The following PCDH9 variants were observed in gnomAD, a reference collection of about 807,000 sequenced individuals.
PCDH9 encodes protocadherin 9.
Under a neutral mutation model 70.6 loss-of-function variants are expected in PCDH9, and 24 were observed. The observed-to-expected ratio is 0.34, with a 90% confidence interval of 0.25 to 0.48. The LOEUF (loss-of-function observed/expected upper bound fraction) is 0.48. Ranked by LOEUF, PCDH9 falls within the 20% of genes least tolerant of loss-of-function variation. The pLI, the probability that PCDH9 is intolerant of heterozygous loss-of-function variation, is 0.99. For synonymous variants in PCDH9, 562 were observed against 558.5 expected (o/e 1.01, Z -0.09); for missense variants, 1,281 against 1,503.6 (o/e 0.85, Z 2.45).
chr13:66,711,165 T>C (rs2078787990), intron 3 of PCDH9, among the ~76,000 whole-genome samples: 1 of 152,162 alleles, frequency 6.6e-6, no homozygotes, highest in African/African-American at 2.4e-5. Flanking sequence ...AAAATTTTGA[T>C]ACATGCATGC....
intron 2 of PCDH9, among the ~76,000 whole-genome samples, chr13:67,190,036 C>G (rs1051529522): frequency 1.3e-5 from 2 of 152,052 alleles, no homozygotes; most frequent in South Asian, 4.2e-4. Flanking sequence ...TAAAATTGAT[C>G]AGTTGAAATC....
intron 4 of PCDH9, among the ~76,000 whole-genome samples, chr13:66,551,742 A>G (rs1055700351): frequency 6.6e-6 from 1 of 152,160 alleles, no homozygotes; most frequent in African/African-American, 2.4e-5. Context: ...GTACATTTGT[A>G]AATTATATTT....
chr13:66,561,775 A>T (rs1237330635), intron 4 of PCDH9, among the ~76,000 whole-genome samples: 4 of 152,116 alleles, frequency 2.6e-5, no homozygotes, highest in East Asian at 3.9e-4. Context: ...CTGTCAAAAC[A>T]GACCACTTGG....
At chr13:66,981,165 G>A (rs962490270) in intron 2 of PCDH9, among the ~76,000 whole-genome samples, 33 of 152,214 alleles carry the variant, frequency 2.2e-4, no homozygotes, top group African/African-American at 7.5e-4. Context: ...TAGGCCGGTC[G>A]CGGTGGCTCA....
chr13:67,175,440 A>G (rs2088423647), intron 2 of PCDH9, among the ~76,000 whole-genome samples: 1 of 152,186 alleles, frequency 6.6e-6, no homozygotes, highest in African/African-American at 2.4e-5. Context: ...CACTACAAGC[A>G]GGGCCTGGAA....
At chr13:66,851,625 G>A (rs1425190792) in intron 3 of PCDH9, among the ~76,000 whole-genome samples, 2 of 150,862 alleles carry the variant, frequency 1.3e-5, no homozygotes, top group African/African-American at 4.9e-5. Context: ...TATTGACTCT[G>A]TGACCTTGAG....
At chr13:66,493,303 A>G (rs1401740246) in intron 4 of PCDH9, among the ~76,000 whole-genome samples, 1 of 152,168 alleles carries the variant, frequency 6.6e-6, no homozygotes, top group Non-Finnish European at 1.5e-5. Flanking sequence ...TATGAGACAA[A>G]GGAACAAATT....
At chr13:66,378,688 A>G (rs1191530167) in intron 4 of PCDH9, among the ~76,000 whole-genome samples, 1 of 152,184 alleles carries the variant, frequency 6.6e-6, no homozygotes, top group Non-Finnish European at 1.5e-5. Flanking sequence ...AAATGTTATT[A>G]CATAGGAAAG....
intron 4 of PCDH9, among the ~76,000 whole-genome samples, chr13:66,420,476 C>G (rs1957545903): frequency 6.6e-6 from 1 of 152,128 alleles, no homozygotes; most frequent in African/African-American, 2.4e-5. Context: ...ATGAAGCTTC[C>G]AGAGGAAGGA....
chr13:66,787,785 C>T (rs11840228), intron 3 of PCDH9, among the ~76,000 whole-genome samples: 2,345 of 152,186 alleles, frequency 0.015, 70 homozygotes, highest in African/African-American at 0.053. Flanking sequence ...CAGTTGGCGA[C>T]CCAGTGCCAT....
At chr13:66,994,104 G>A (rs1305140270) in intron 2 of PCDH9, among the ~76,000 whole-genome samples, 1 of 152,158 alleles carries the variant, frequency 6.6e-6, no homozygotes, top group Admixed American at 6.6e-5. Flanking sequence ...ACAGAAGGAA[G>A]GATTTCGGAG....
At chr13:67,010,683 T>C (rs1200858475) in intron 2 of PCDH9, among the ~76,000 whole-genome samples, 1 of 152,046 alleles carries the variant, frequency 6.6e-6, no homozygotes, top group African/African-American at 2.4e-5. Flanking sequence ...ATGACAATTC[T>C]GGACTCCTGC....
chr13:66,964,465 G>T (rs1422404324), intron 2 of PCDH9, among the ~76,000 whole-genome samples: 1 of 151,948 alleles, frequency 6.6e-6, no homozygotes, highest in East Asian at 1.9e-4. Context: ...GATCTACCAG[G>T]TCACTGTCAA....
chr13:66,593,282 T>G (rs1465601160), intron 4 of PCDH9, among the ~76,000 whole-genome samples: 2 of 151,742 alleles, frequency 1.3e-5, no homozygotes, highest in African/African-American at 4.8e-5. Flanking sequence ...TAATCAGAGC[T>G]AGATTTTCAC....
At chr13:67,073,362 A>T (rs1381096723) in intron 2 of PCDH9, among the ~76,000 whole-genome samples, 1 of 152,116 alleles carries the variant, frequency 6.6e-6, no homozygotes, top group African/African-American at 2.4e-5. Context: ...ATATATCAAG[A>T]ATCAAAACAT....
chr13:66,992,903 A>G (rs1236856326), intron 2 of PCDH9, among the ~76,000 whole-genome samples: 1 of 38,162 alleles, frequency 2.6e-5, no homozygotes, highest in Non-Finnish European at 7.9e-5. Flanking sequence ...TCTGACTCCT[A>G]AAAAAAAAAA....
chr13:67,098,915 C>T (rs865996400), intron 2 of PCDH9, among the ~76,000 whole-genome samples: 3 of 152,210 alleles, frequency 2.0e-5, no homozygotes, highest in Middle Eastern at 3.4e-3. Flanking sequence ...GTGGATTGTT[C>T]AGTTTTCTAG....
intron 2 of PCDH9, among the ~76,000 whole-genome samples, chr13:67,100,564 AC>A (rs1306664714): frequency 6.6e-6 from 1 of 152,258 alleles, no homozygotes; most frequent in Non-Finnish European, 1.5e-5. Context: ...AAGAATTAAT[AC>A]TAAGAAACTG....
chr13:66,476,737 A>G (rs980397840), intron 4 of PCDH9, among the ~76,000 whole-genome samples: 1 of 152,008 alleles, frequency 6.6e-6, no homozygotes, highest in African/African-American at 2.4e-5. Context: ...TCTTGTGTAT[A>G]AGTAACATTG....
Sources: allele counts gnomAD v4.1 joint callset (sites outside exome capture counted in the v4.1 genomes callset), GRCh38; gene constraint gnomAD v4.1.1; transcripts MANE v1.5; gene names NCBI Gene and HGNC (gene_info 2026-07-23, HGNC 2026-07-21).